EHBP1: variants seen among roughly 807,000 people sequenced by gnomAD.
EHBP1 encodes EH domain-binding protein 1.
Under a neutral mutation model 144.0 loss-of-function variants are expected in EHBP1, and 55 were observed. The ratio of observed to expected loss-of-function variants is 0.38; its 90% CI spans 0.31 to 0.48. The LOEUF (loss-of-function observed/expected upper bound fraction) is 0.48, where lower values mean the gene tolerates loss of function less well. EHBP1 is among the 20% of genes least tolerant of loss of function. The pLI, the probability that EHBP1 is intolerant of heterozygous loss-of-function variation, is 0.98. For missense variants in EHBP1, 1,200 were observed against 1,364.2 expected (o/e 0.88, Z 1.90); for synonymous variants, 469 against 472.7 (o/e 0.99, Z 0.10).
At chr2:62,730,384 T>C (rs190023127) in intron 2 of EHBP1, among the ~76,000 whole-genome samples, 18 of 152,318 alleles carry the variant, frequency 1.2e-4, no homozygotes, top group African/African-American at 4.3e-4. Context: ...CAGAATGTTA[T>C]GTTGTTGGAA....
intron 5 of EHBP1, among the ~76,000 whole-genome samples, chr2:62,802,750 A>C (rs2044112369): frequency 7.6e-6 from 1 of 131,990 alleles, no homozygotes; most frequent in Admixed American, 8.2e-5. Flanking sequence ...TTTGAGACAG[A>C]GTCTTCCTCT....
chr2:62,956,714 G>A (rs1424850581), intron 14 of EHBP1, among the ~76,000 whole-genome samples: 2 of 144,732 alleles, frequency 1.4e-5, no homozygotes, highest in East Asian at 4.0e-4. Context: ...AAAAACCACC[G>A]CAAAACTTAC....
chr2:62,953,830 G>A (rs1449599829), intron 13 of EHBP1, among the ~76,000 whole-genome samples: 1 of 151,932 alleles, frequency 6.6e-6, no homozygotes, highest in Non-Finnish European at 1.5e-5. Flanking sequence ...ATCTTTTGGT[G>A]ATTTGATTTT....
chr2:63,028,420 A>AT (rs958561947), intron 19 of EHBP1, among the ~76,000 whole-genome samples: 1 of 151,974 alleles, frequency 6.6e-6, no homozygotes, highest in African/African-American at 2.4e-5. Context: ...TGGGTACGAT[A>AT]TTTTAAGGAC....
intron 19 of EHBP1, among the ~76,000 whole-genome samples, chr2:62,999,696 G>A (rs2059775134): frequency 6.6e-6 from 1 of 152,068 alleles, no homozygotes; most frequent in East Asian, 1.9e-4. Context: ...TCTATTGTAT[G>A]TTTATACCAC....
At chr2:62,913,526 G>T (rs1364781862) in intron 10 of EHBP1, among the ~76,000 whole-genome samples, 1 of 152,170 alleles carries the variant, frequency 6.6e-6, no homozygotes, top group African/African-American at 2.4e-5. Context: ...AATTACAATT[G>T]AGCTGTAAAA....
intron 13 of EHBP1, among the ~76,000 whole-genome samples, chr2:62,952,840 A>G (rs542741058): frequency 1.7e-3 from 255 of 152,352 alleles, no homozygotes; most frequent in Non-Finnish European, 2.7e-3. Flanking sequence ...CTGAAGGGCA[A>G]TTTAACAATG....
intron 3 of EHBP1, among the ~76,000 whole-genome samples, chr2:62,754,496 A>G (rs2040073173): frequency 6.6e-6 from 1 of 152,196 alleles, no homozygotes; most frequent in African/African-American, 2.4e-5. Flanking sequence ...CCCTGCTAGG[A>G]GAACCACTAC....
chr2:62,757,331 G>A (rs1023869870), intron 3 of EHBP1, among the ~76,000 whole-genome samples: 3 of 151,542 alleles, frequency 2.0e-5, no homozygotes, highest in African/African-American at 7.3e-5. Flanking sequence ...ACCATGTTGC[G>A]CAGCTAGCAG....
intron 9 of EHBP1, among the ~76,000 whole-genome samples, chr2:62,866,731 CTG>C (rs760490692): frequency 6.6e-6 from 1 of 152,060 alleles, no homozygotes; most frequent in East Asian, 1.9e-4. Flanking sequence ...GATCAGTGAA[CTG>C]TGGAACAACT....
chr2:62,901,381 A>G (rs915777811), intron 10 of EHBP1, among the ~76,000 whole-genome samples: 2 of 152,174 alleles, frequency 1.3e-5, no homozygotes, highest in Non-Finnish European at 2.9e-5. Context: ...GGCATAGTAT[A>G]TTATAGCTGT....
At chr2:62,857,544 A>G (rs545340425) in intron 7 of EHBP1, among the ~76,000 whole-genome samples, 7 of 152,172 alleles carry the variant, frequency 4.6e-5, no homozygotes, top group East Asian at 3.8e-4. Flanking sequence ...TCTACTTCCA[A>G]TCGTTTTATT....
In EHBP1 at chr2:63,016,748, T is replaced by G. The variant is rs535972780; in HGVS notation, c.3103+19982T>G. Among the ~76,000 whole-genome samples the G allele has an allele frequency of 2.0e-5, 3 of 152,040 alleles. No individual in the cohort carries two copies. In the South Asian group the frequency reaches 6.2e-4, roughly 31 times the overall value. ...GCCCAGCCTGAAATTATGTTTTAAT[T>G]CAATATGCAGAAGGTAAAAAAGCAT... On this transcript the variant is annotated intron_variant, in intron 19 of 22. Coordinates refer to ENST00000431489, the MANE Select transcript of EHBP1 (RefSeq NM_001142616.3).
At chr2:62,770,823 A>G (rs1222826579) in intron 4 of EHBP1, among the ~76,000 whole-genome samples, 1 of 152,240 alleles carries the variant, frequency 6.6e-6, no homozygotes, top group African/African-American at 2.4e-5. Context: ...CTATGCGGCC[A>G]TAAAAAGGAA....
intron 16 of EHBP1, among the ~76,000 whole-genome samples, chr2:62,993,112 G>A (rs999382006): frequency 6.6e-6 from 1 of 152,168 alleles, no homozygotes; most frequent in Non-Finnish European, 1.5e-5. Context: ...ATGAAATGCA[G>A]TTCAGTAGGG....
At chr2:63,005,551 T>C (rs185647613) in intron 19 of EHBP1, among the ~76,000 whole-genome samples, 2 of 152,168 alleles carry the variant, frequency 1.3e-5, no homozygotes, top group African/African-American at 4.8e-5. Flanking sequence ...ATGCTTCCTG[T>C]AAGCTTAAAG....
intron 3 of EHBP1, among the ~76,000 whole-genome samples, chr2:62,748,691 C>A (rs936536528): frequency 6.6e-6 from 1 of 151,920 alleles, no homozygotes; most frequent in South Asian, 2.1e-4. Context: ...ATAAATGTGA[C>A]TATATTTTTT....
intron 5 of EHBP1, among the ~76,000 whole-genome samples, chr2:62,809,362 C>A (rs966797974): frequency 2.0e-5 from 3 of 151,644 alleles, no homozygotes; most frequent in Non-Finnish European, 2.9e-5. Context: ...TCCTCCTCCC[C>A]TCTCCCCCAA....
chr2:62,886,915 GTC>G (rs2051978061), intron 10 of EHBP1, among the ~76,000 whole-genome samples: 1 of 152,010 alleles, frequency 6.6e-6, no homozygotes, highest in Non-Finnish European at 1.5e-5. Flanking sequence ...AATAAAATGA[GTC>G]TCTGTTTAAT....
Sources: gnomAD v4.1 joint callset for allele counts (sites outside exome capture counted in the v4.1 genomes callset) on GRCh38, gnomAD v4.1.1 for gene constraint, MANE v1.5 for transcripts, NCBI Gene and HGNC (gene_info 2026-07-23, HGNC 2026-07-21) for gene names.